LRRC7: variants seen among roughly 807,000 people sequenced by gnomAD.
LRRC7 encodes the protein leucine rich repeat containing 7, also known as leucine-rich repeat-containing protein 7.
In LRRC7, 23 loss-of-function variants were observed where a neutral mutation model predicts 175.7. The observed-to-expected ratio is 0.13, with a 90% CI of 0.09 to 0.19. The LOEUF (loss-of-function observed/expected upper bound fraction) is 0.19. Ranked by LOEUF, LRRC7 falls within the 10% of genes least tolerant of loss-of-function variation. The pLI is 1.00. For missense variants in LRRC7, 1,354 were observed against 1,904.7 expected, an observed-to-expected ratio of 0.71 and a Z score of 5.38; for synonymous variants, 685 against 680.9, an observed-to-expected ratio of 1.01 and a Z score of -0.09.
At chr1:69,787,895 T>A (rs1262068004) in intron 3 of LRRC7, among the ~76,000 whole-genome samples, 1 of 152,086 alleles carries the variant, frequency 6.6e-6, no homozygotes, top group African/African-American at 2.4e-5. Flanking sequence ...ACAGCCAGAC[T>A]ATATCACTCC....
chr1:70,088,776 C>T (rs1379021234), intron 24 of LRRC7, among the ~76,000 whole-genome samples: 1 of 152,008 alleles, frequency 6.6e-6, no homozygotes, highest in Admixed American at 6.6e-5. Context: ...CTAGGTCATC[C>T]CTGGCACTGA....
intron 7 of LRRC7, among the ~76,000 whole-genome samples, chr1:69,922,470 G>T (rs1646920276): frequency 6.6e-6 from 1 of 152,156 alleles, no homozygotes; most frequent in African/African-American, 2.4e-5. Context: ...GGTAGAAATT[G>T]TTCATTCCAC....
In LRRC7 at chr1:70,039,179, C is replaced by A. The variant is rs1005841908; in HGVS notation, c.3355C>A (p.Pro1119Thr). ...TCCTAGAGCTTACAGAGGATACCCA[C>A]CGATGGAGCAAATGTTTTCATTTTC... ...ISPRAYRGYP[P>T]MEQMFSFSQP... Residue 1119 changes from proline (P) to threonine (T), a missense_variant, in exon 21 of 27, where the codon CCG (proline) becomes ACG (threonine). By Grantham distance (38) the Pro-to-Thr change is conservative. This residue lies in a region of LRRC7 where 1,032 missense variants were observed against 1,227.2 expected (regional missense o/e 0.84). Coordinates refer to ENST00000651989, the MANE Select transcript of LRRC7 (RefSeq NM_001370785.2). 2.5e-6 allele frequency: 4 copies of A among 1,614,052 alleles called. No homozygotes were observed. In the African/African-American group the frequency reaches 5.3e-5, roughly 22 times the overall value.
At chr1:70,097,394 T>G (rs190965383) in intron 25 of LRRC7, among the ~76,000 whole-genome samples, 27 of 152,286 alleles carry the variant, frequency 1.8e-4, no homozygotes, top group African/African-American at 6.0e-4. Flanking sequence ...AACAAACAAT[T>G]TTTCACTTCA....
intron 16 of LRRC7, chr1:70,022,485 C>G (rs556023738): frequency 6.6e-6 from 1 of 152,252 alleles, no homozygotes; most frequent in African/African-American, 2.4e-5. Flanking sequence ...TAAATACTTA[C>G]AGTTATTTAG....
chr1:69,694,191 T>C (rs1662263451), intron 2 of LRRC7, among the ~76,000 whole-genome samples: 1 of 152,206 alleles, frequency 6.6e-6, no homozygotes, highest in African/African-American at 2.4e-5. Context: ...ATTCCTGAGA[T>C]TTCTAGAGTG....
chr1:70,009,795 A>C (rs2101947377), intron 11 of LRRC7, among the ~76,000 whole-genome samples: 1 of 152,364 alleles, frequency 6.6e-6, no homozygotes, highest in Non-Finnish European at 1.5e-5. Context: ...CATTCTAATC[A>C]GCTGAATCTG....
At chr1:70,035,625 C>CA (rs765207825) in intron 18 of LRRC7, among the ~76,000 whole-genome samples, 6,451 of 71,774 alleles carry the variant, frequency 0.09, 386 homozygotes, top group African/African-American at 0.16. Flanking sequence ...TAGGGATGCA[C>CA]AAAAAAAAAA....
chr1:69,804,138 T>C (rs1676842845), intron 4 of LRRC7, among the ~76,000 whole-genome samples: 2 of 151,468 alleles, frequency 1.3e-5, no homozygotes, highest in African/African-American at 4.8e-5. Context: ...GTTGTTTTTA[T>C]TGAAATACAT....
intron 7 of LRRC7, among the ~76,000 whole-genome samples, chr1:69,857,468 T>G (rs1408055027): frequency 1.3e-5 from 2 of 151,960 alleles, no homozygotes; most frequent in Middle Eastern, 3.4e-3. Flanking sequence ...TATACACCAA[T>G]AACAGACAAA....
At chr1:69,977,296 G>A (rs1652916542) in intron 8 of LRRC7, among the ~76,000 whole-genome samples, 1 of 151,796 alleles carries the variant, frequency 6.6e-6, no homozygotes, top group South Asian at 2.1e-4. Context: ...ACACCAATCT[G>A]CCAAAATCAC....
chr1:69,974,959 CAAATT>C (rs1393704919), intron 8 of LRRC7, among the ~76,000 whole-genome samples: 1 of 152,130 alleles, frequency 6.6e-6, no homozygotes, highest in Non-Finnish European at 1.5e-5. Context: ...TAAACTTCAT[CAAATT>C]ATTCTCATTT....
At chr1:69,988,854 C>T (rs1654175009) in intron 10 of LRRC7, among the ~76,000 whole-genome samples, 1 of 152,062 alleles carries the variant, frequency 6.6e-6, no homozygotes, top group South Asian at 2.1e-4. Flanking sequence ...AACTGCCAGA[C>T]AGGGAGAAGT....
chr1:70,093,748 A>T (rs1379209540), intron 25 of LRRC7, among the ~76,000 whole-genome samples: 1 of 152,174 alleles, frequency 6.6e-6, no homozygotes, highest in East Asian at 1.9e-4. Context: ...CTTGTGGACT[A>T]AGGTATCATT....
chr1:69,968,749 C>T (rs755393903), intron 8 of LRRC7, among the ~76,000 whole-genome samples: 3 of 152,120 alleles, frequency 2.0e-5, no homozygotes, highest in Non-Finnish European at 4.4e-5. Flanking sequence ...TCACCACTCT[C>T]AAGCCAGCAA....
chr1:69,977,471 C>T (rs1652940360), intron 8 of LRRC7, among the ~76,000 whole-genome samples: 1 of 152,176 alleles, frequency 6.6e-6, no homozygotes, highest in African/African-American at 2.4e-5. Flanking sequence ...TTAGATCTTA[C>T]TTAATGAAGG....
At chr1:69,743,593 T>G (rs1294109452) in intron 2 of LRRC7, among the ~76,000 whole-genome samples, 1 of 151,944 alleles carries the variant, frequency 6.6e-6, no homozygotes, top group African/African-American at 2.4e-5. Context: ...AAAATCGGAC[T>G]TATTTGTGAC....
intron 25 of LRRC7, among the ~76,000 whole-genome samples, chr1:70,095,013 C>T (rs2102180353): frequency 6.6e-6 from 1 of 152,240 alleles, no homozygotes; most frequent in Non-Finnish European, 1.5e-5. Flanking sequence ...CTACTTTTAG[C>T]ACATTTCCTT....
intron 2 of LRRC7, among the ~76,000 whole-genome samples, chr1:69,698,199 G>A (rs972213686): frequency 6.6e-6 from 1 of 152,176 alleles, no homozygotes; most frequent in Non-Finnish European, 1.5e-5. Flanking sequence ...AGTCTGCCAT[G>A]ATATGACTGC....
Sources: gnomAD v4.1 joint callset for allele counts (sites outside exome capture counted in the v4.1 genomes callset) on GRCh38, gnomAD v4.1.1 for gene constraint, gnomAD v4.1.1 regional missense constraint, MANE v1.5 for transcripts, NCBI Gene and HGNC (gene_info 2026-07-23, HGNC 2026-07-21) for gene names.